The following GREB1 variants were observed in gnomAD, a reference collection of about 807,000 sequenced individuals.
The protein encoded by GREB1 is protein GREB1.
Under a neutral mutation model 200.7 loss-of-function variants are expected in GREB1, and 106 were observed. The observed-to-expected ratio is 0.53, with a 90% CI of 0.45 to 0.62. GREB1 has a LOEUF of 0.62. Among genes scored for constraint, GREB1 ranks in the 20% least tolerant of loss-of-function variants. The probability of loss-of-function intolerance (pLI) is 0.00; values close to 1 mark genes in which losing one functional copy is unlikely to be tolerated. For missense variants in GREB1, 2,243 were observed against 2,556.8 expected, an observed-to-expected ratio of 0.88 and a Z score of 2.65; for synonymous variants, 1,132 against 1,092.4, an observed-to-expected ratio of 1.04 and a Z score of -0.72.
At chr2:11,600,716 G>A in intron 15 of GREB1, 84 bp from the exon 16 acceptor site, 1 of 1,072,720 alleles carries the variant, frequency 9.3e-7, no homozygotes. Flanking sequence ...TCAGGGGTTA[G>A]TTATAAATTT....
intron 10 of GREB1, among the ~76,000 whole-genome samples, chr2:11,590,269 G>A (rs1011311210): frequency 3.3e-5 from 5 of 152,042 alleles, no homozygotes; most frequent in East Asian, 1.9e-4. Context: ...CCGCCTCACC[G>A]GGGCACCATT....
rs1684735741 is a variant in GREB1, at chr2:11,629,748, G to C, written c.4450-200G>C. Among the ~76,000 whole-genome samples, 2 of 152,114 alleles carry C rather than the reference G, an allele frequency of 1.3e-5. No individual in the cohort carries two copies. Among genetic ancestry groups the C allele is most frequent in the Non-Finnish European group, 2.9e-5 (2 of 68,022 alleles). On this transcript the variant is annotated intron_variant, in intron 25 of 32. Coordinates refer to ENST00000381486, the MANE Select transcript of GREB1 (RefSeq NM_014668.4). This position sits in a 1 kb window ranked among gnomAD's most constrained non-coding sequence, Gnocchi z 5.2. The stretch of plus-strand genomic sequence containing the variant: ...AGGATGGGAGCAGGCTCTCGTCGTG[G>C]GTGTGTGGCCTCGGGCGTGCTTGCC...
intron 1 of GREB1, among the ~76,000 whole-genome samples, chr2:11,483,410 G>A (rs1036791214): frequency 1.3e-5 from 2 of 151,964 alleles, no homozygotes; most frequent in African/African-American, 4.8e-5. Context: ...TGGGAGCCGT[G>A]AACAGTGACG....
At position 11,616,609 on chromosome 2, in the gene GREB1, C is replaced by T. The variant is rs545689528; in HGVS notation, c.3323-22C>T. On this transcript the variant is annotated intron_variant, in intron 20 of 32. Transcript: ENST00000381486. ...AGGAATGGTGATTTCGGTGCATTCT[C>T]AGCGTGTGTGTTTTGGAACAGGCTC... The T allele has an allele frequency of 4.1e-6, 6 of 1,465,922 alleles. No individual in the cohort carries two copies. In the African/African-American group the frequency reaches 6.9e-5, roughly 17 times the overall value. 90.8% of individuals were successfully genotyped at this position (1,465,922 alleles called of 1,614,324 possible).
intron 3 of GREB1, among the ~76,000 whole-genome samples, chr2:11,566,019 T>TTATATATATATATATA (rs60231852): frequency 6.7e-5 from 10 of 149,006 alleles, no homozygotes; most frequent in African/African-American, 2.5e-4. Flanking sequence ...ATAACTATGA[T>TTATATATATATATATA]TATATATATA....
chr2:11,527,547 G>A (rs554533345), intron 1 of GREB1, among the ~76,000 whole-genome samples: 10 of 152,366 alleles, frequency 6.6e-5, no homozygotes, highest in African/African-American at 2.4e-4. Flanking sequence ...TGGTCCCAGA[G>A]TGGGACCTGG....
At chr2:11,509,396 G>A (rs1248625907) in intron 1 of GREB1, among the ~76,000 whole-genome samples, 1 of 151,560 alleles carries the variant, frequency 6.6e-6, no homozygotes, top group Non-Finnish European at 1.5e-5. Context: ...TTTTTTCTTT[G>A]TTAGCTTATT....
chr2:11,545,609 A>G (rs1374365864), intron 1 of GREB1, among the ~76,000 whole-genome samples: 1 of 152,240 alleles, frequency 6.6e-6, no homozygotes, highest in African/African-American at 2.4e-5. Context: ...AATCTTTCCA[A>G]TGAATCTTTG....
chr2:11,605,519 C>T (rs542979108), intron 17 of GREB1, among the ~76,000 whole-genome samples: 46 of 152,186 alleles, frequency 3.0e-4, no homozygotes, highest in African/African-American at 5.3e-4. Context: ...CCACCGTGCC[C>T]GGCTGTGCAT....
chr2:11,588,290 C>G (rs2148146914), intron 9 of GREB1: 1 of 1,088,010 alleles, frequency 9.2e-7, no homozygotes, highest in South Asian at 2.8e-5. Context: ...CCCAACTCAC[C>G]TTGCCAGACA....
intron 17 of GREB1, among the ~76,000 whole-genome samples, chr2:11,610,370 G>T (rs759691211): frequency 1.3e-5 from 2 of 152,064 alleles, no homozygotes; most frequent in African/African-American, 2.4e-5. Context: ...GACAAAATAG[G>T]CATTTATACC....
Position 11,638,803 on chromosome 2 carries a change from C to T in GREB1, c.5680C>T (p.Leu1894=), listed in dbSNP as rs1306175787. 2.5e-6 allele frequency: 4 copies of T among 1,613,998 alleles called. No individual in the cohort carries two copies. The Admixed American group carries it at 6.7e-5, about 27-fold the overall frequency. The stretch of plus-strand genomic sequence containing the variant: ...TAGCTTTTTGAAAAAGTTTCATTTT[C>T]TGAAAGGTAACTTTTGTACTCTTAA... ...GASFLKKFHF[L]KGATLCVICQ... Residue 1894 remains leucine (L), a synonymous_variant, in exon 32 of 33, where the codon CTG becomes TTG. Transcript: ENST00000381486.
intron 7 of GREB1, chr2:11,581,154 TG>T (rs972167003): frequency 8.5e-6 from 5 of 585,610 alleles, no homozygotes; most frequent in South Asian, 4.3e-5. Context: ...AGTGTGTTGT[TG>T]GGGAAGAACA....
At chr2:11,483,612 G>A (rs888509076) in intron 1 of GREB1, among the ~76,000 whole-genome samples, 4 of 151,664 alleles carry the variant, frequency 2.6e-5, no homozygotes, top group Non-Finnish European at 4.4e-5. Context: ...ATGCTTCAGG[G>A]GAGGTGGGGA....
intron 26 of GREB1, among the ~76,000 whole-genome samples, chr2:11,630,761 T>C (rs773437143): frequency 2.0e-5 from 3 of 152,230 alleles, no homozygotes; most frequent in Non-Finnish European, 2.9e-5. Context: ...GAAGAGGTCG[T>C]TCTGAACGTT....
intron 1 of GREB1, among the ~76,000 whole-genome samples, chr2:11,522,670 C>G (rs942149673): frequency 6.6e-5 from 10 of 152,164 alleles, no homozygotes; most frequent in Non-Finnish European, 1.5e-4. Flanking sequence ...CACATCCGCT[C>G]TGTCTGATAA....
intron 1 of GREB1, among the ~76,000 whole-genome samples, chr2:11,538,766 TCC>T (rs1491173919): frequency 0.017 from 404 of 23,556 alleles, 49 homozygotes; most frequent in Non-Finnish European, 0.038. Context: ...CTTTCTTCCT[TCC>T]TTCCTTCCCG....
rs1049846073 is a variant in GREB1 at position 11,597,052 on chromosome 2, G to C, written c.1955-729G>C. ...CAATGGGCACAGGTGTGCACCGTGA[G>C]AGAGGGCAGTGGGCACAGGTGTGCT... is the stretch of plus-strand genomic sequence containing the variant. On this transcript the variant is annotated intron_variant, in intron 13 of 32. Transcript: ENST00000381486. This position sits in a 1 kb window ranked among gnomAD's most constrained non-coding sequence, Gnocchi z 4.1. Among the ~76,000 whole-genome samples, 2 of 151,938 alleles carry C rather than the reference G, an allele frequency of 1.3e-5. No homozygotes were observed. Among genetic ancestry groups the C allele is most frequent in the Non-Finnish European group, 2.9e-5 (2 of 67,964 alleles).
chr2:11,542,041 CTATTT>C (rs1674807286), intron 1 of GREB1, among the ~76,000 whole-genome samples: 1 of 151,916 alleles, frequency 6.6e-6, no homozygotes, highest in East Asian at 1.9e-4. Context: ...CCCATCTCTT[CTATTT>C]TGCATTACAC....
Sources: gnomAD v4.1 joint callset for allele counts (sites outside exome capture counted in the v4.1 genomes callset) on GRCh38, gnomAD v4.1.1 for gene constraint, Gnocchi (gnomAD v3.1) non-coding constraint, MANE v1.5 for transcripts, NCBI Gene and HGNC (gene_info 2026-07-23, HGNC 2026-07-21) for gene names.